The following CEP128 variants were observed in gnomAD, a reference collection of about 807,000 sequenced individuals.
The protein encoded by CEP128 is centrosomal protein 128kDa.
A neutral mutation model predicts 156.7 loss-of-function variants in CEP128; 132 were observed. The ratio of observed to expected loss-of-function variants is 0.84; its 90% confidence interval spans 0.73 to 0.97. The LOEUF (loss-of-function observed/expected upper bound fraction) is 0.97. Ranked by LOEUF, CEP128 falls within the 50% of genes least tolerant of loss-of-function variation. CEP128 has a pLI of 0.00. For synonymous variants in CEP128, 469 were observed against 448.9 expected (o/e 1.04, Z -0.57); for missense variants, 1,252 against 1,281.9 (o/e 0.98, Z 0.36).
intron 19 of CEP128, among the ~76,000 whole-genome samples, chr14:80,624,224 G>A (rs1009690318): frequency 6.6e-6 from 1 of 151,956 alleles, no homozygotes; most frequent in African/African-American, 2.4e-5. Context: ...AGTCCTCTAG[G>A]CTCATCCATG....
At chr14:80,602,038 G>T (rs1243962170) in intron 19 of CEP128, among the ~76,000 whole-genome samples, 1 of 152,132 alleles carries the variant, frequency 6.6e-6, no homozygotes, top group Non-Finnish European at 1.5e-5. Flanking sequence ...ACCAAAGAGA[G>T]CTAGAATAGT....
At chr14:80,660,467 A>C (rs895894319) in intron 19 of CEP128, among the ~76,000 whole-genome samples, 1 of 152,220 alleles carries the variant, frequency 6.6e-6, no homozygotes, top group Non-Finnish European at 1.5e-5. Context: ...TAGATCTCTT[A>C]TCAGATCTTA....
intron 4 of CEP128, among the ~76,000 whole-genome samples, chr14:80,913,651 T>C (rs1275420438): frequency 1.3e-5 from 2 of 152,050 alleles, no homozygotes; most frequent in Non-Finnish European, 2.9e-5. Flanking sequence ...AGTGGTATAA[T>C]GGACATTGGA....
chr14:80,538,020 G>A lies in CEP128; in HGVS notation c.2881-7134C>T, dbSNP rs548348850. 1.2e-4 allele frequency among the ~76,000 whole-genome samples: 18 copies of A among 152,054 alleles called. No individual in the cohort carries two copies. The East Asian group carries it at 1.7e-3, about 15-fold the overall frequency. On this transcript the variant is annotated intron_variant, in intron 21 of 24. Transcript: ENST00000555265. ...ATATTAATGGTCTTTATTATTCTACGCCCACAGAACAATACATTCACATTC... is the reference window on the plus strand; with the variant it reads ...ATATTAATGGTCTTTATTATTCTACACCCACAGAACAATACATTCACATTC...
At chr14:80,689,502 G>C (rs1896645730) in intron 19 of CEP128, among the ~76,000 whole-genome samples, 2 of 152,056 alleles carry the variant, frequency 1.3e-5, no homozygotes, top group Admixed American at 1.3e-4. Flanking sequence ...TAGGTTACCA[G>C]AACTACTAGC....
At chr14:80,602,089 G>A (rs971186189) in intron 19 of CEP128, among the ~76,000 whole-genome samples, 1 of 152,134 alleles carries the variant, frequency 6.6e-6, no homozygotes, top group African/African-American at 2.4e-5. Context: ...GACAAAACTT[G>A]TTCTGAGACA....
chr14:80,834,485 T>C (rs1440997763), intron 12 of CEP128, among the ~76,000 whole-genome samples: 1 of 152,218 alleles, frequency 6.6e-6, no homozygotes, highest in East Asian at 1.9e-4. Flanking sequence ...ATGATAAGTA[T>C]GATTTCTAAT....
chr14:80,538,825 C>T (rs146429086), intron 21 of CEP128, among the ~76,000 whole-genome samples: 225 of 152,248 alleles, frequency 1.5e-3, no homozygotes, highest in African/African-American at 4.9e-3. Flanking sequence ...GAAGGCTCCC[C>T]GGCTTTCTCT....
intron 21 of CEP128, among the ~76,000 whole-genome samples, chr14:80,539,093 T>A (rs1299249972): frequency 1.3e-5 from 2 of 152,234 alleles, no homozygotes; most frequent in East Asian, 3.8e-4. Context: ...TTATTCAGTC[T>A]GCAAATATTT....
rs967921403 is a variant in CEP128, at chr14:80,954,004, T to G, written c.-172+4174A>C. ...ACAACAAAAGCCCGGGTGCGGTGGC[T>G]CAAGCCTGTAATCCCAGCACTTTGG... On this transcript the variant is annotated intron_variant, in intron 2 of 7. Transcript: ENST00000555529. Among the ~76,000 whole-genome samples the G allele has an allele frequency of 2.6e-4, 40 of 152,048 alleles. 1 individual carries two copies. The highest frequency in any genetic ancestry group is 2.1e-3 in the Admixed American group (32 of 15,274).
intron 13 of CEP128, among the ~76,000 whole-genome samples, chr14:80,804,097 C>T (rs1884035147): frequency 6.7e-6 from 1 of 148,482 alleles, no homozygotes; most frequent in African/African-American, 2.4e-5. Flanking sequence ...ACTCATTTTA[C>T]AGAACATAAA....
intron 19 of CEP128, among the ~76,000 whole-genome samples, chr14:80,665,527 T>A (rs967966215): frequency 6.6e-6 from 1 of 152,166 alleles, no homozygotes; most frequent in Non-Finnish European, 1.5e-5. Flanking sequence ...TTTAGCCTTA[T>A]GTGGCAAGCA....
chr14:80,922,282 A>G (rs1039461388), intron 2 of CEP128, among the ~76,000 whole-genome samples: 1 of 152,178 alleles, frequency 6.6e-6, no homozygotes, highest in Non-Finnish European at 1.5e-5. Context: ...GGGCCATGCC[A>G]CTAGTTCTCA....
chr14:80,745,901 ATAT>A (rs1280027747), intron 18 of CEP128, among the ~76,000 whole-genome samples: 4 of 152,054 alleles, frequency 2.6e-5, no homozygotes, highest in Non-Finnish European at 1.5e-5. Context: ...AGAGTCCAGC[ATAT>A]TATAATACAT....
chr14:80,825,996 C>G lies in CEP128; in HGVS notation c.1209+5147G>C, dbSNP rs552845808. On this transcript the variant is annotated intron_variant, in intron 13 of 24. Transcript: ENST00000555265. Reference sequence around the variant, plus strand: ...TGGCACACGCCTGTAATCCCAGCTACTCAGGATGCTGAAGCAGGAGAATCA... The same window carrying G: ...TGGCACACGCCTGTAATCCCAGCTAGTCAGGATGCTGAAGCAGGAGAATCA... Among the ~76,000 whole-genome samples the G allele has an allele frequency of 6.9e-4, 105 of 151,642 alleles. 5 individuals carry two copies. The South Asian group carries it at 0.012, about 18-fold the overall frequency.
intron 19 of CEP128, among the ~76,000 whole-genome samples, chr14:80,618,055 C>T (rs983322069): frequency 7.9e-5 from 12 of 152,170 alleles, no homozygotes; most frequent in African/African-American, 1.9e-4. Context: ...CATCCTAAGA[C>T]ATGGTAAGCA....
At chr14:80,651,579 C>T (rs1240203216) in intron 19 of CEP128, among the ~76,000 whole-genome samples, 6 of 152,154 alleles carry the variant, frequency 3.9e-5, no homozygotes, top group African/African-American at 1.4e-4. Flanking sequence ...CCTCTAAACA[C>T]TGCTTTAGCT....
At chr14:80,785,947 C>T (rs1227175304) in intron 14 of CEP128, among the ~76,000 whole-genome samples, 3 of 152,062 alleles carry the variant, frequency 2.0e-5, no homozygotes, top group African/African-American at 2.4e-5. Flanking sequence ...TCCAATGATA[C>T]ACTTTTAAAA....
rs377425773 is a variant in CEP128, at chr14:80,617,870, T to C, written c.2807-37447A>G. Among the ~76,000 whole-genome samples, 4 of 152,354 alleles carry C rather than the reference T, an allele frequency of 2.6e-5. No individual in the cohort carries two copies. In the East Asian group the frequency reaches 5.8e-4, roughly 22 times the overall value. On this transcript the variant is annotated intron_variant, in intron 19 of 24. Transcript: ENST00000555265. ...TTCTAAAAGTAAGCATGTAGTGTATTTGGTTAAACTATAAGCTCTATCGGG... is the reference window on the plus strand; with the variant it reads ...TTCTAAAAGTAAGCATGTAGTGTATCTGGTTAAACTATAAGCTCTATCGGG...
Sources: allele counts gnomAD v4.1 joint callset (sites outside exome capture counted in the v4.1 genomes callset), GRCh38; gene constraint gnomAD v4.1.1; transcripts MANE v1.5; gene names NCBI Gene and HGNC (gene_info 2026-07-23, HGNC 2026-07-21).